The following TTC34 variants were observed in gnomAD, a reference collection of about 807,000 sequenced individuals.
TTC34 encodes tetratricopeptide repeat protein 34.
A neutral mutation model predicts 40.7 loss-of-function variants in TTC34; 44 were observed. The observed-to-expected ratio is 1.08, with a 90% CI of 0.85 to 1.39. TTC34 has a LOEUF of 1.39. Among genes scored for constraint, TTC34 ranks in the 40% most tolerant of loss-of-function variants. The pLI, the probability that TTC34 is intolerant of heterozygous loss-of-function variation, is 0.00. For missense variants in TTC34, 884 were observed against 838.0 expected (o/e 1.05, Z -0.68); for synonymous variants, 422 against 398.6 (o/e 1.06, Z -0.70).
chr1:2,783,753 G>A, exon 6 of TTC34: 1 of 1,528,780 alleles, frequency 6.5e-7, no homozygotes, highest in Non-Finnish European at 8.8e-7. Flanking sequence ...CTCGGGCAAG[G>A]AGGGACTCAC....
At chr1:2,691,579 A>C (rs1254856617) in intron 6 of TTC34, among the ~76,000 whole-genome samples, 1,140 of 96,220 alleles carry the variant, frequency 0.012, no homozygotes, top group African/African-American at 0.023. Flanking sequence ...AACAGCACCC[A>C]CATGCCCAGG....
chr1:2,675,576 T>C (rs1570788806), intron 6 of TTC34, among the ~76,000 whole-genome samples: 15 of 111,280 alleles, frequency 1.3e-4, no homozygotes, highest in African/African-American at 2.1e-4. Context: ...AAGGCGAGCA[T>C]CTGACGGCCT....
intron 6 of TTC34, among the ~76,000 whole-genome samples, chr1:2,652,508 T>G (rs568837759): frequency 2.9e-5 from 4 of 139,730 alleles, no homozygotes; most frequent in Non-Finnish European, 6.1e-5. Flanking sequence ...TCTGACGGCC[T>G]GCAACAGCAC....
At chr1:2,788,891 A>C (rs149866269) in intron 3 of TTC34, among the ~76,000 whole-genome samples, 166 of 152,294 alleles carry the variant, frequency 1.1e-3, no homozygotes, top group African/African-American at 3.4e-3. Context: ...CAGGAGTTCG[A>C]GACCAGCCTG....
At chr1:2,684,519 C>T (rs113873455) in intron 6 of TTC34, among the ~76,000 whole-genome samples, 1 of 148,076 alleles carries the variant, frequency 6.8e-6, no homozygotes, top group Admixed American at 6.7e-5. Context: ...ACCCACACCC[C>T]CAGGTGAGCA....
At chr1:2,683,997 C>A (rs1168896091) in intron 6 of TTC34, among the ~76,000 whole-genome samples, 1 of 150,464 alleles carries the variant, frequency 6.6e-6, no homozygotes, top group Non-Finnish European at 1.5e-5. Context: ...TCCTGCACCC[C>A]CAGGTGAGCA....
At chr1:2,789,253 CG>C (rs1643631536) in intron 3 of TTC34, among the ~76,000 whole-genome samples, 1 of 152,156 alleles carries the variant, frequency 6.6e-6, no homozygotes, top group Non-Finnish European at 1.5e-5. Context: ...AGCACAGACT[CG>C]GTTTGGTGAG....
intron 2 of TTC34, among the ~76,000 whole-genome samples, chr1:2,799,707 T>C (rs1246048888): frequency 6.6e-6 from 1 of 152,034 alleles, no homozygotes; most frequent in Admixed American, 6.5e-5. Flanking sequence ...CCTGGCCCCC[T>C]CAGTGGCAGG....
At chr1:2,777,582 T>G (rs1643286682) in intron 6 of TTC34, among the ~76,000 whole-genome samples, 1 of 151,634 alleles carries the variant, frequency 6.6e-6, no homozygotes, top group African/African-American at 2.4e-5. Flanking sequence ...CAGGACAGGG[T>G]TGTTGGCCAG....
intron 6 of TTC34, among the ~76,000 whole-genome samples, chr1:2,699,590 G>T (rs1641035427): frequency 7.0e-6 from 1 of 142,856 alleles, no homozygotes; most frequent in Non-Finnish European, 1.6e-5. Flanking sequence ...GTGAGCATCT[G>T]ACAGCCTGGA....
At chr1:2,648,829 G>A (rs1278265452) in intron 6 of TTC34, among the ~76,000 whole-genome samples, 1 of 149,280 alleles carries the variant, frequency 6.7e-6, no homozygotes, top group Non-Finnish European at 1.5e-5. Context: ...GACTGGAGCA[G>A]CATTCTCCAG....
At chr1:2,641,243 G>A (rs1638895012) in exon 9 of TTC34, 14 of 1,081,538 alleles carry the variant, frequency 1.3e-5, no homozygotes, top group Non-Finnish European at 1.5e-5. Context: ...GCTGGGAAGG[G>A]GGTGTGGAGA....
At position 2,683,250 on chromosome 1, in the gene TTC34, G is replaced by C. The variant is rs568275004; in HGVS notation, c.2227-37687C>G. 1.4e-4 allele frequency among the ~76,000 whole-genome samples: 17 copies of C among 121,870 alleles called. No individual in the cohort carries two copies. The Middle Eastern group carries it at 0.021, about 151-fold the overall frequency. The allele number at this position is 121,870 out of a possible 152,430, so 80.0% of individuals were successfully genotyped here. ...CCACACCCCCAAGTGAGCATCTGAT[G>C]GTTTGCAGCAGCACCCACACCCACA... On this transcript the variant is annotated intron_variant, in intron 6 of 8. Coordinates refer to ENST00000401095, the Ensembl canonical transcript of TTC34.
At chr1:2,752,880 G>T (rs878965721) in intron 6 of TTC34, among the ~76,000 whole-genome samples, 43 of 140,472 alleles carry the variant, frequency 3.1e-4, no homozygotes, top group African/African-American at 8.3e-4. Context: ...TGATGGCCTG[G>T]AACGGCACCC....
At position 2,648,121 on chromosome 1, in the gene TTC34, A is replaced by G. The variant is rs147830412; in HGVS notation, c.2227-2558T>C. ...TTAAAAGCCCCTGTGTGTAAATTCC[A>G]AACCTCTAAGCCATCTCAGGGTCTG... On this transcript the variant is annotated intron_variant, in intron 6 of 8. Transcript: ENST00000401095. Among the ~76,000 whole-genome samples the G allele has an allele frequency of 6.2e-4, 94 of 152,116 alleles. 1 individual carries two copies. The East Asian group carries it at 0.018, about 29-fold the overall frequency.
At chr1:2,686,368 T>TGA (rs1640346745) in intron 6 of TTC34, among the ~76,000 whole-genome samples, 1 of 140,056 alleles carries the variant, frequency 7.1e-6, no homozygotes, top group Admixed American at 7.1e-5. Flanking sequence ...CACCCCCAGG[T>TGA]GCGCATGTGA....
chr1:2,700,022 A>G (rs1641057005), intron 6 of TTC34, among the ~76,000 whole-genome samples: 1 of 120,436 alleles, frequency 8.3e-6, no homozygotes, highest in African/African-American at 2.7e-5. Flanking sequence ...CCCCCAGGTG[A>G]GCATCTGATA....
intron 6 of TTC34, among the ~76,000 whole-genome samples, chr1:2,683,360 G>T (rs149482625): frequency 0.019 from 1,315 of 69,920 alleles, 27 homozygotes; most frequent in African/African-American, 0.051. Flanking sequence ...ACCCCCAGGT[G>T]AGCATCTGAT....
chr1:2,694,130 C>T (rs1319890097), intron 6 of TTC34, among the ~76,000 whole-genome samples: 2 of 146,170 alleles, frequency 1.4e-5, no homozygotes, highest in Non-Finnish European at 3.0e-5. Flanking sequence ...CACGTGACAG[C>T]CTGGAACAGC....
Sources: gnomAD v4.1 joint callset for allele counts (sites outside exome capture counted in the v4.1 genomes callset) on GRCh38, gnomAD v4.1.1 for gene constraint, MANE v1.5 for transcripts, NCBI Gene and HGNC (gene_info 2026-07-23, HGNC 2026-07-21) for gene names.